Variants in GSDME observed in about 807,000 individuals in gnomAD.
GSDME encodes the protein gasdermin-E.
GSDME carries 44 observed loss-of-function variants against 47.5 expected under a neutral mutation model. The ratio of observed to expected loss-of-function variants is 0.93; its 90% CI spans 0.73 to 1.19. The LOEUF (loss-of-function observed/expected upper bound fraction) is 1.19, where lower values mean the gene tolerates loss of function less well. Among genes scored for constraint, GSDME ranks in the 50% most tolerant of loss-of-function variants. The pLI, the probability that GSDME is intolerant of heterozygous loss-of-function variation, is 0.00. For missense variants in GSDME, 663 were observed against 604.2 expected (o/e 1.10, Z -1.02); for synonymous variants, 258 against 252.8 (o/e 1.02, Z -0.20).
chr7:24,702,916 A>G (rs902079334), intron 8 of GSDME, 83 bp from the exon 9 acceptor site: 2 of 1,205,156 alleles, frequency 1.7e-6, no homozygotes, highest in Non-Finnish European at 2.4e-6. Context: ...CACCTAACTT[A>G]TATTTTAGTA....
chr7:24,790,066 T>C, the GSDME span, among the ~76,000 whole-genome samples: 16 of 152,344 alleles, frequency 1.1e-4, no homozygotes, highest in African/African-American at 3.8e-4. This position sits in a 1 kb window ranked among gnomAD's most constrained non-coding sequence, Gnocchi z 4.1. Context: ...TGTGCCAGTT[T>C]TGTCATATCT....
chr7:24,776,856 C>A, the GSDME span, among the ~76,000 whole-genome samples: 1 of 148,800 alleles, frequency 6.7e-6, no homozygotes, highest in Admixed American at 6.7e-5. Flanking sequence ...TGTGTGTATA[C>A]CTATAGTCAT....
intron 9 of GSDME, among the ~76,000 whole-genome samples, chr7:24,700,182 T>C (rs1348966859): frequency 6.6e-6 from 1 of 152,132 alleles, no homozygotes; most frequent in African/African-American, 2.4e-5. Context: ...CACCTTCCCT[T>C]ATTTAACCCT....
the GSDME span, among the ~76,000 whole-genome samples, chr7:24,771,094 C>T: frequency 4.1e-4 from 63 of 151,920 alleles, 2 homozygotes; most frequent in South Asian, 5.0e-3. This position sits in a 1 kb window ranked among gnomAD's most constrained non-coding sequence, Gnocchi z 4.1. Context: ...TAAAGCTAGG[C>T]GTATCGTATT....
the GSDME span, among the ~76,000 whole-genome samples, chr7:24,777,679 A>G: frequency 2.0e-5 from 3 of 152,158 alleles, no homozygotes; most frequent in South Asian, 6.2e-4. Flanking sequence ...ATGGTGTGAC[A>G]AAAGGAGATT....
chr7:24,748,166 A>ATTT lies in GSDME; in HGVS notation c.211+1397_211+1398insAAA, dbSNP rs1359637602. On this transcript the variant is annotated intron_variant, in intron 2 of 9. Coordinates refer to ENST00000645220, the MANE Select transcript of GSDME (RefSeq NM_001127453.2). ...AGAGTATATATATATATATATATATATATTTTTTTTTGAGATGGAATCTCA... is the reference window on the plus strand; with the variant it reads ...AGAGTATATATATATATATATATATATTTTATTTTTTTTTGAGATGGAATCTCA... 1.4e-3 allele frequency among the ~76,000 whole-genome samples: 134 copies of ATTT among 97,724 alleles called. 1 individual carries two copies. Among genetic ancestry groups the ATTT allele is most frequent in the African/African-American group, 3.9e-3 (130 of 32,982 alleles). 64.1% of individuals were successfully genotyped at this position (97,724 alleles called of 152,430 possible). A position where few individuals can be genotyped will look rare whatever the true frequency, so the allele number is the denominator to read the frequency against.
Position 24,735,372 on chromosome 7 carries a change from G to GA in GSDME, c.404+9189dup, listed in dbSNP as rs1790270514. On this transcript the variant is annotated intron_variant, in intron 3 of 9. Transcript: ENST00000645220. The surrounding 1 kb of genome is among the most constrained non-coding windows in gnomAD (Gnocchi z 4.4). ...TCCAAAATGTACTTGTAAGTACACA[G>GA]AAAAAACACAGACTATTATAACACT... Among the ~76,000 whole-genome samples the GA allele has an allele frequency of 6.6e-6, 1 of 152,096 alleles. No individual in the cohort carries two copies. Among genetic ancestry groups the GA allele is most frequent in the Non-Finnish European group, 1.5e-5 (1 of 68,022 alleles).
At chr7:24,727,882 G>A (rs1013009263) in intron 3 of GSDME, among the ~76,000 whole-genome samples, 6 of 152,292 alleles carry the variant, frequency 3.9e-5, no homozygotes, top group South Asian at 4.1e-4. Context: ...GGAGAGCAGC[G>A]CTCAAACCAC....
At chr7:24,769,612 T>C in the GSDME span, among the ~76,000 whole-genome samples, 9 of 152,074 alleles carry the variant, frequency 5.9e-5, no homozygotes, top group Non-Finnish European at 1.3e-4. Context: ...GACTGATTAA[T>C]AGGACTATAG....
chr7:24,737,554 G>A (rs1315777085), intron 3 of GSDME, among the ~76,000 whole-genome samples: 1 of 151,992 alleles, frequency 6.6e-6, no homozygotes, highest in Middle Eastern at 3.2e-3. Flanking sequence ...CTTCACTGTT[G>A]AATGTTACCA....
At chr7:24,786,250 C>T in the GSDME span, among the ~76,000 whole-genome samples, 2 of 152,126 alleles carry the variant, frequency 1.3e-5, no homozygotes, top group East Asian at 1.9e-4. This position sits in a 1 kb window ranked among gnomAD's most constrained non-coding sequence, Gnocchi z 5.5. Flanking sequence ...TTCTGTGTAC[C>T]GGGTTGCCTG....
At chr7:24,743,236 A>G (rs1562711692) in intron 3 of GSDME, among the ~76,000 whole-genome samples, 2 of 152,250 alleles carry the variant, frequency 1.3e-5, no homozygotes, top group African/African-American at 2.4e-5. Flanking sequence ...ATTTTTAAAC[A>G]TAATTTTGTG....
chr7:24,747,139 C>T (rs2128064288), intron 2 of GSDME, among the ~76,000 whole-genome samples: 1 of 152,372 alleles, frequency 6.6e-6, no homozygotes, highest in South Asian at 2.1e-4. Flanking sequence ...ACTCCAATTA[C>T]TCAGGAGTTC....
rs1363673401 is a variant in GSDME at position 24,745,035 on chromosome 7, G to C, written c.212-281C>G. On this transcript the variant is annotated intron_variant, in intron 2 of 9. Coordinates refer to ENST00000645220, the MANE Select transcript of GSDME (RefSeq NM_001127453.2). The surrounding 1 kb of genome is among the most constrained non-coding windows in gnomAD (Gnocchi z 4.4). Reference sequence around the variant, plus strand: ...TGTGTGTGTGTGTGTGTGTGTGTGTGGACCACGGGCACACAGTGGACCAGT... The same window carrying C: ...TGTGTGTGTGTGTGTGTGTGTGTGTCGACCACGGGCACACAGTGGACCAGT... Among the ~76,000 whole-genome samples, 1 of 138,378 alleles carries C rather than the reference G, an allele frequency of 7.2e-6. No homozygotes were observed. The highest frequency in any genetic ancestry group is 1.5e-5 in the Non-Finnish European group (1 of 65,164). 90.8% of individuals were successfully genotyped at this position (138,378 alleles called of 152,430 possible).
the GSDME span, among the ~76,000 whole-genome samples, chr7:24,765,623 T>C: frequency 1.3e-5 from 2 of 152,228 alleles, no homozygotes; most frequent in Non-Finnish European, 1.5e-5. Context: ...TATCCAGACA[T>C]GTGGCAGCCC....
At chr7:24,770,006 G>GTTTAATGACA in the GSDME span, among the ~76,000 whole-genome samples, 2 of 152,190 alleles carry the variant, frequency 1.3e-5, no homozygotes, top group Non-Finnish European at 2.9e-5. The surrounding 1 kb of genome is among the most constrained non-coding windows in gnomAD (Gnocchi z 4.6). Context: ...TTTGTTTTTG[G>GTTTAATGACA]TGTTTAATGA....
At chr7:24,765,136 C>T in the GSDME span, among the ~76,000 whole-genome samples, 2 of 152,122 alleles carry the variant, frequency 1.3e-5, no homozygotes, top group Admixed American at 6.5e-5. Context: ...AGCCTGGCCC[C>T]GGGTAATGCT....
intron 3 of GSDME, among the ~76,000 whole-genome samples, chr7:24,720,262 C>T (rs1448823798): frequency 6.6e-6 from 1 of 152,204 alleles, no homozygotes; most frequent in Non-Finnish European, 1.5e-5. Flanking sequence ...AATAACTTCT[C>T]TGGAGATCTC....
chr7:24,784,374 A>C, the GSDME span, among the ~76,000 whole-genome samples: 2,124 of 152,274 alleles, frequency 0.014, 49 homozygotes, highest in African/African-American at 0.048. Flanking sequence ...AGGAGCAACG[A>C]AGCCAGTAGT....
Sources: allele counts gnomAD v4.1 joint callset (sites outside exome capture counted in the v4.1 genomes callset), GRCh38; gene constraint gnomAD v4.1.1; non-coding constraint Gnocchi (gnomAD v3.1); transcripts MANE v1.5; gene names NCBI Gene and HGNC (gene_info 2026-07-23, HGNC 2026-07-21).